RAB3B: variants seen among roughly 807,000 people sequenced by gnomAD.
RAB3B encodes the protein ras-related protein Rab-3B.
Under a neutral mutation model 20.5 loss-of-function variants are expected in RAB3B, and 11 were observed. That is an observed-to-expected ratio of 0.54 (90% confidence interval 0.34 to 0.89). The LOEUF (loss-of-function observed/expected upper bound fraction) is 0.89, where lower values mean the gene tolerates loss of function less well. Ranked by LOEUF, RAB3B falls within the 40% of genes least tolerant of loss-of-function variation. RAB3B has a pLI of 0.02. For missense variants in RAB3B, 225 were observed against 280.9 expected (o/e 0.80, Z 1.42); for synonymous variants, 99 against 106.3 (o/e 0.93, Z 0.42).
chr1:51,969,291 T>A (rs1424510431), intron 2 of RAB3B, among the ~76,000 whole-genome samples: 1 of 152,126 alleles, frequency 6.6e-6, no homozygotes, highest in East Asian at 1.9e-4. Context: ...TGTCTCAACA[T>A]TAAATACATG....
intron 1 of RAB3B, among the ~76,000 whole-genome samples, chr1:51,980,313 A>G (rs1226860266): frequency 6.6e-6 from 1 of 151,786 alleles, no homozygotes; most frequent in Admixed American, 6.6e-5. Context: ...CTATAATCCC[A>G]GCTGCTTGGG....
In RAB3B at chr1:51,943,316, G is replaced by A. The variant is rs146320720; in HGVS notation, c.229-5904C>T. Among the ~76,000 whole-genome samples the A allele has an allele frequency of 8.5e-3, 1,290 of 152,100 alleles. 27 individuals carry two copies. In the South Asian group the frequency reaches 0.095, roughly 11 times the overall value. On this transcript the variant is annotated intron_variant, in intron 2 of 4. Transcript: ENST00000371655. ...GGAGAATCACTTGAACCCAGGAGGC[G>A]GAGGCTGCAGTGAGTCAAGATCACA...
At chr1:51,986,289 T>A (rs1214675972) in intron 1 of RAB3B, among the ~76,000 whole-genome samples, 1 of 151,926 alleles carries the variant, frequency 6.6e-6, no homozygotes, top group Non-Finnish European at 1.5e-5. Flanking sequence ...TAGCTGGGAC[T>A]ACAGACACCC....
chr1:51,977,150 G>A, intron 1 of RAB3B, 33 bp from the exon 2 acceptor site: 1 of 1,548,522 alleles, frequency 6.5e-7, no homozygotes, highest in East Asian at 2.2e-5. Flanking sequence ...CTCAGGAACA[G>A]ACCTTCGGTG....
At chr1:51,980,453 C>A in intron 1 of RAB3B, 3 of 561,354 alleles carry the variant, frequency 5.3e-6, no homozygotes, top group East Asian at 3.5e-5. Flanking sequence ...AACCTCCTCT[C>A]TCCAGTCCAT....
Position 51,976,923 on chromosome 1 carries a change from G to A in RAB3B, c.195C>T (p.Tyr65=), listed in dbSNP as rs889537738. 2 of 1,614,088 alleles carry A rather than the reference G, an allele frequency of 1.2e-6. No homozygotes were observed. The highest frequency in any genetic ancestry group is 8.5e-7 in the Non-Finnish European group (1 of 1,180,036). ...GCAGTTTCACCCGCTTCTCGTGACG[G>A]TAGACTGTCTTCACCTTGAAGTCGA... ...VGIDFKVKTV[Y]RHEKRVKLQI... Residue 65 remains tyrosine, a synonymous_variant, in exon 2 of 5, where the codon TAC becomes TAT. Transcript: ENST00000371655.
intron 2 of RAB3B, among the ~76,000 whole-genome samples, chr1:51,955,533 A>T (rs1311685013): frequency 6.6e-6 from 1 of 152,076 alleles, no homozygotes; most frequent in East Asian, 1.9e-4. Flanking sequence ...CTGCGATTAC[A>T]GGTATGTGTC....
At chr1:51,936,241 C>T (rs1684401877) in intron 3 of RAB3B, among the ~76,000 whole-genome samples, 1 of 152,174 alleles carries the variant, frequency 6.6e-6, no homozygotes, top group African/African-American at 2.4e-5. Flanking sequence ...CTGGCCCTCC[C>T]TCTCATGTGT....
intron 2 of RAB3B, among the ~76,000 whole-genome samples, chr1:51,944,028 T>C (rs556733000): frequency 2.0e-5 from 3 of 152,324 alleles, no homozygotes; most frequent in African/African-American, 7.2e-5. Context: ...TCTAGGACTT[T>C]CATAGCTAGA....
intron 4 of RAB3B, among the ~76,000 whole-genome samples, chr1:51,925,618 C>G (rs1684233758): frequency 6.6e-6 from 1 of 152,178 alleles, no homozygotes; most frequent in South Asian, 2.1e-4. Flanking sequence ...TTATTAATCT[C>G]TAGCTACTAC....
chr1:51,933,557 G>T (rs1684356548), intron 3 of RAB3B, 115 bp from the exon 4 acceptor site: 2 of 1,009,526 alleles, frequency 2.0e-6, no homozygotes, highest in African/African-American at 1.7e-5. Context: ...GTATTTGGAG[G>T]TGGAGTCTTC....
rs534435454 is a variant in RAB3B at position 51,988,232 on chromosome 1, G to A, written c.-1+2320C>T. Reference sequence around the variant, plus strand: ...AGAATAAGAAGGGAGTTGGGCAAATGTGGACCTCATCCTCCTTTAAGCCAT... The same window carrying A: ...AGAATAAGAAGGGAGTTGGGCAAATATGGACCTCATCCTCCTTTAAGCCAT... On this transcript the variant is annotated intron_variant, in intron 1 of 4. Coordinates refer to ENST00000371655, the MANE Select transcript of RAB3B (RefSeq NM_002867.4). Among the ~76,000 whole-genome samples the A allele has an allele frequency of 1.1e-4, 17 of 152,316 alleles. No individual in the cohort carries two copies. The South Asian group carries it at 3.5e-3, about 32-fold the overall frequency.
At chr1:51,970,742 A>C (rs1684917657) in intron 2 of RAB3B, among the ~76,000 whole-genome samples, 1 of 151,930 alleles carries the variant, frequency 6.6e-6, no homozygotes, top group South Asian at 2.1e-4. Flanking sequence ...ACGGTGGCTC[A>C]CACCTATAAT....
At chr1:51,926,194 C>T (rs1684241789) in intron 4 of RAB3B, among the ~76,000 whole-genome samples, 1 of 152,178 alleles carries the variant, frequency 6.6e-6, no homozygotes, top group Non-Finnish European at 1.5e-5. Context: ...TAGCCATCGA[C>T]CCAAAGAAGG....
chr1:51,983,711 G>A (rs1186622057), intron 1 of RAB3B, among the ~76,000 whole-genome samples: 2 of 152,068 alleles, frequency 1.3e-5, no homozygotes, highest in East Asian at 3.9e-4. Context: ...CATAATCCCA[G>A]GACTTTGTGA....
At chr1:51,941,629 T>C (rs1408597465) in intron 2 of RAB3B, among the ~76,000 whole-genome samples, 2 of 152,214 alleles carry the variant, frequency 1.3e-5, no homozygotes, top group Non-Finnish European at 2.9e-5. Context: ...CTTCTCCATG[T>C]CCTCAGCAAT....
chr1:51,923,714 C>CAAAAAAAAAAAAAAAAAAAAAAAAAAAA (rs56771506), intron 4 of RAB3B, among the ~76,000 whole-genome samples: 1 of 74,476 alleles, frequency 1.3e-5, no homozygotes, highest in African/African-American at 4.1e-5. Flanking sequence ...GACTCTGTCT[C>CAAAAAAAAAAAAAAAAAAAAAAAAAAAA]AAAAAAAAAA....
At position 51,911,307 on chromosome 1, in the gene RAB3B, G is replaced by C. The variant is rs1329826061; in HGVS notation, c.*8620C>G. 6.6e-6 allele frequency: 1 copy of C among 152,180 alleles called. No individual in the cohort carries two copies. The highest frequency in any genetic ancestry group is 1.5e-5 in the Non-Finnish European group (1 of 68,030). 9.4% of individuals were successfully genotyped at this position (152,180 alleles called of 1,614,324 possible). A position where few individuals can be genotyped will look rare whatever the true frequency, so the allele number is the denominator to read the frequency against. On this transcript the variant is annotated 3_prime_UTR_variant, in exon 5 of 5. Transcript: ENST00000371655. ...AGAAGAGAGGATGGAGACGAGGGTA[G>C]GCTTCTTTTCAGATTATACATTCTG...
At chr1:51,982,461 A>G (rs1685100168) in intron 1 of RAB3B, among the ~76,000 whole-genome samples, 1 of 152,094 alleles carries the variant, frequency 6.6e-6, no homozygotes, top group Non-Finnish European at 1.5e-5. Flanking sequence ...TGTTGTTATA[A>G]AAGAGTCTAT....
Sources: allele counts gnomAD v4.1 joint callset (sites outside exome capture counted in the v4.1 genomes callset), GRCh38; gene constraint gnomAD v4.1.1; transcripts MANE v1.5; gene names NCBI Gene and HGNC (gene_info 2026-07-23, HGNC 2026-07-21).